Variants in NLK observed in about 807,000 individuals in gnomAD.
NLK encodes nemo like kinase.
Under a neutral mutation model 59.0 loss-of-function variants are expected in NLK, and 11 were observed. The ratio of observed to expected loss-of-function variants is 0.19; its 90% CI spans 0.12 to 0.31. NLK has a LOEUF of 0.31. NLK is among the 10% of genes least tolerant of loss of function. The probability of loss-of-function intolerance (pLI) is 1.00; values close to 1 mark genes in which losing one functional copy is unlikely to be tolerated. For missense variants in NLK, 410 were observed against 661.1 expected, an observed-to-expected ratio of 0.62 and a Z score of 4.16; for synonymous variants, 235 against 235.9, an observed-to-expected ratio of 1.00 and a Z score of 0.03.
At chr17:28,048,371 ATTAAT>A (rs1909133757) in intron 1 of NLK, 1 of 159,178 alleles carries the variant, frequency 6.3e-6, no homozygotes, top group Non-Finnish European at 1.4e-5. Context: ...ACTGTCCAAT[ATTAAT>A]TTAGAAAAAA....
rs1455242429 is a variant in NLK, at chr17:28,194,738, A to C, written c.*102A>C. 1 of 645,772 alleles carries C rather than the reference A, an allele frequency of 1.5e-6. No homozygotes were observed. The highest frequency in any genetic ancestry group is 3.1e-5 in the Admixed American group (1 of 32,104). 40.0% of individuals were successfully genotyped at this position (645,772 alleles called of 1,614,324 possible). ...ATCATGCTTGTACTGTAATTTTACT[A>C]ATGAAGTTTTAAATTAACAACCACT... On this transcript the variant is annotated 3_prime_UTR_variant, in exon 11 of 11. Coordinates refer to ENST00000407008, the MANE Select transcript of NLK (RefSeq NM_016231.5).
intron 1 of NLK, among the ~76,000 whole-genome samples, chr17:28,061,109 G>C (rs1909617755): frequency 6.6e-6 from 1 of 152,122 alleles, no homozygotes; most frequent in Admixed American, 6.5e-5. Flanking sequence ...CTGCAGCCTT[G>C]AACTCAGGCT....
intron 6 of NLK, among the ~76,000 whole-genome samples, chr17:28,169,868 A>T (rs901139971): frequency 1.3e-5 from 2 of 152,054 alleles, no homozygotes; most frequent in Non-Finnish European, 2.9e-5. Flanking sequence ...GACTCTAGGG[A>T]TACAGCAGTA....
At chr17:28,155,419 C>G (rs1567730352) in intron 3 of NLK, among the ~76,000 whole-genome samples, 1 of 152,272 alleles carries the variant, frequency 6.6e-6, no homozygotes, top group East Asian at 1.9e-4. Context: ...ACCCAGCGAT[C>G]CCATTACTGG....
At chr17:28,099,209 T>C (rs1353859658) in intron 1 of NLK, among the ~76,000 whole-genome samples, 1 of 152,226 alleles carries the variant, frequency 6.6e-6, no homozygotes, top group Non-Finnish European at 1.5e-5. Flanking sequence ...TTGTTTCTTT[T>C]ATTAGTGCAG....
intron 1 of NLK, among the ~76,000 whole-genome samples, chr17:28,105,979 A>T (rs1905066516): frequency 6.6e-6 from 1 of 152,196 alleles, no homozygotes. Flanking sequence ...AATTTCCATT[A>T]TTGCTCTATT....
At chr17:28,081,161 A>T (rs1005734408) in intron 1 of NLK, among the ~76,000 whole-genome samples, 1 of 151,604 alleles carries the variant, frequency 6.6e-6, no homozygotes, top group Non-Finnish European at 1.5e-5. Context: ...AAGTGCTCAG[A>T]TTAGAGGCAT....
rs1909483929 is a variant in NLK at position 28,196,319 on chromosome 17, T to A, written c.*1683T>A. On this transcript the variant is annotated 3_prime_UTR_variant, in exon 11 of 11. Coordinates refer to ENST00000407008, the MANE Select transcript of NLK (RefSeq NM_016231.5). ...TCAATTACCGTGGCACACTTTCTGGTCACTTTGTACAATGTAGATTTGAAG... is the reference window on the plus strand; with the variant it reads ...TCAATTACCGTGGCACACTTTCTGGACACTTTGTACAATGTAGATTTGAAG... 1 of 152,662 alleles carries A rather than the reference T, an allele frequency of 6.6e-6. No individual in the cohort carries two copies. The highest frequency in any genetic ancestry group is 2.4e-5 in the African/African-American group (1 of 41,456). 9.5% of individuals were successfully genotyped at this position (152,662 alleles called of 1,614,324 possible). A position where few individuals can be genotyped will look rare whatever the true frequency, so the allele number is the denominator to read the frequency against.
chr17:28,093,662 G>A (rs1317468489), intron 1 of NLK, among the ~76,000 whole-genome samples: 4 of 152,174 alleles, frequency 2.6e-5, no homozygotes, highest in African/African-American at 7.2e-5. Flanking sequence ...TTCTTAGGAC[G>A]GAAGCAATCT....
chr17:28,204,467 C>T, the NLK span, among the ~76,000 whole-genome samples: 1 of 152,206 alleles, frequency 6.6e-6, no homozygotes, highest in Non-Finnish European at 1.5e-5. Context: ...GTCTTCAAGA[C>T]ATGTGCATGT....
chr17:28,117,156 C>T (rs1905814697), intron 1 of NLK, among the ~76,000 whole-genome samples: 1 of 152,138 alleles, frequency 6.6e-6, no homozygotes, highest in African/African-American at 2.4e-5. Context: ...TCCTCGTAGA[C>T]ATATTTAACA....
chr17:28,157,594 T>C (rs1478436918), intron 3 of NLK, among the ~76,000 whole-genome samples: 4 of 152,180 alleles, frequency 2.6e-5, no homozygotes, highest in Non-Finnish European at 5.9e-5. Context: ...CCCAAAGTGC[T>C]GGGGTTACAG....
In NLK at chr17:28,045,687, A is replaced by G. The variant is rs1444955411; in HGVS notation, c.458+2356A>G. ...TGACTTGCTGTCTGAATTCCTTATT[A>G]TATTTGAAATTTAACTGTTGTATGA... On this transcript the variant is annotated intron_variant, in intron 1 of 10. Coordinates refer to ENST00000407008, the MANE Select transcript of NLK (RefSeq NM_016231.5). 2.0e-5 allele frequency among the ~76,000 whole-genome samples: 3 copies of G among 152,274 alleles called. No individual in the cohort carries two copies. In the East Asian group the frequency reaches 5.8e-4, roughly 29 times the overall value.
At chr17:28,165,263 T>A (rs1908175520) in intron 5 of NLK, among the ~76,000 whole-genome samples, 1 of 152,230 alleles carries the variant, frequency 6.6e-6, no homozygotes, top group South Asian at 2.1e-4. Context: ...AATTTCTTCT[T>A]ATTTTGGTTT....
chr17:28,204,205 A>G, the NLK span, among the ~76,000 whole-genome samples: 6 of 152,364 alleles, frequency 3.9e-5, no homozygotes, highest in African/African-American at 1.4e-4. Flanking sequence ...AAGATCACAC[A>G]GCTAGTCAGT....
chr17:28,115,996 A>AT (rs762671773), intron 1 of NLK, among the ~76,000 whole-genome samples: 6 of 152,014 alleles, frequency 3.9e-5, no homozygotes, highest in Non-Finnish European at 7.4e-5. Context: ...TGCTTCAACT[A>AT]TTTTTTATTG....
downstream of NLK, among the ~76,000 whole-genome samples, chr17:28,199,696 A>AAAAAAAAAC (rs1909579816): frequency 2.4e-4 from 5 of 20,888 alleles, no homozygotes; most frequent in South Asian, 2.2e-3. Flanking sequence ...AAAACAAAAC[A>AAAAAAAAAC]AAAAAAAAAA....
In NLK at chr17:28,042,686, A is replaced by G; in HGVS notation, c.-188A>G. 1 of 465,958 alleles carries G rather than the reference A, an allele frequency of 2.1e-6. No homozygotes were observed. Among genetic ancestry groups the G allele is most frequent in the Non-Finnish European group, 3.7e-6 (1 of 271,834 alleles). The allele number at this position is 465,958 out of a possible 1,614,324, so 28.9% of individuals were successfully genotyped here. Reference sequence around the variant, plus strand: ...TTTTCCCTTTTTTTTCCTTTTGGCAACCCACACCCTTCCACACACGCTCAC... The same window carrying G: ...TTTTCCCTTTTTTTTCCTTTTGGCAGCCCACACCCTTCCACACACGCTCAC... On this transcript the variant is annotated 5_prime_UTR_variant, in exon 1 of 11. Coordinates refer to ENST00000407008, the MANE Select transcript of NLK (RefSeq NM_016231.5).
intron 2 of NLK, among the ~76,000 whole-genome samples, chr17:28,131,319 AG>A (rs972684484): frequency 6.6e-6 from 1 of 152,058 alleles, no homozygotes; most frequent in African/African-American, 2.4e-5. Flanking sequence ...ATGAGAAAAT[AG>A]AAAATTTGAG....
Sources: allele counts gnomAD v4.1 joint callset (sites outside exome capture counted in the v4.1 genomes callset), GRCh38; gene constraint gnomAD v4.1.1; transcripts MANE v1.5; gene names NCBI Gene and HGNC (gene_info 2026-07-23, HGNC 2026-07-21).